The following KCNMB3 variants were observed in gnomAD, a reference collection of about 807,000 sequenced individuals.
KCNMB3 encodes the protein calcium-activated potassium channel subunit beta-3.
A neutral mutation model predicts 11.9 loss-of-function variants in KCNMB3; 18 were observed. The observed-to-expected ratio is 1.51, with a 90% confidence interval of 1.04 to 2.23. The LOEUF (loss-of-function observed/expected upper bound fraction) is 2.23, where lower values mean the gene tolerates loss of function less well. Among genes scored for constraint, KCNMB3 ranks in the 30% most tolerant of loss-of-function variants. The pLI is 0.00. For synonymous variants in KCNMB3, 78 were observed against 119.2 expected, an observed-to-expected ratio of 0.65 and a Z score of 2.25; for missense variants, 247 against 329.4, an observed-to-expected ratio of 0.75 and a Z score of 1.94.
chr3:179,243,380 T>C (rs1725528461), intron 2 of KCNMB3, 96 bp from the exon 3 acceptor site: 3 of 1,157,138 alleles, frequency 2.6e-6, no homozygotes, highest in Non-Finnish European at 3.8e-6. Context: ...GCTGAAGTTA[T>C]TAGTGGGCAG....
chr3:179,260,223 G>T (rs189235884), intron 1 of KCNMB3: 3 of 1,613,852 alleles, frequency 1.9e-6, no homozygotes, highest in Non-Finnish European at 2.5e-6. Flanking sequence ...ACAGTTGGAT[G>T]GCTCAAGGGG....
intron 1 of KCNMB3, among the ~76,000 whole-genome samples, chr3:179,261,562 C>G (rs1278064893): frequency 6.6e-6 from 1 of 152,052 alleles, no homozygotes; most frequent in Non-Finnish European, 1.5e-5. Context: ...TCCGCCCGCC[C>G]CATGGCCCGC....
At chr3:179,261,890 A>G (rs1726228321) in intron 1 of KCNMB3, among the ~76,000 whole-genome samples, 4 of 152,246 alleles carry the variant, frequency 2.6e-5, no homozygotes, top group African/African-American at 7.2e-5. Context: ...CATCTAAAAC[A>G]CAGATACAAA....
exon 1 of KCNMB3, chr3:179,266,801 G>C: frequency 6.5e-7 from 1 of 1,538,280 alleles, no homozygotes; most frequent in Non-Finnish European, 8.8e-7. Context: ...CCACGGAAGT[G>C]GAGTCCCAGC....
chr3:179,259,945 C>T (rs1334586603), intron 1 of KCNMB3: 6 of 1,612,908 alleles, frequency 3.7e-6, no homozygotes, highest in Middle Eastern at 1.7e-4. Flanking sequence ...CCCTCTTCTT[C>T]GTTGTGATCC....
Position 179,244,645 on chromosome 3 carries a change from C to T in KCNMB3, c.297G>A (p.Met99Ile). Residue 99 changes from methionine to isoleucine, a missense_variant, in exon 2 of 3, where the codon ATG becomes ATA. This residue lies in a region of KCNMB3 where 160 missense variants were observed against 157.5 expected (regional missense o/e 1.02). Coordinates refer to ENST00000392685, the MANE Select transcript of KCNMB3 (RefSeq NM_171830.2). ...TGAAGGCACAGTCCAGCCAGTCGTC[C>T]ATGATATCTGTGTGGATGGCAGTGC... ...STCTAIHTDI[M>I]DDWLDCAFTC... The T allele has an allele frequency of 6.2e-7, 1 of 1,613,892 alleles. No individual in the cohort carries two copies. The highest frequency in any genetic ancestry group is 1.1e-5 in the South Asian group (1 of 91,066).
exon 1 of KCNMB3, chr3:179,266,885 G>T: frequency 7.0e-7 from 1 of 1,427,272 alleles, no homozygotes; most frequent in Non-Finnish European, 9.1e-7. Flanking sequence ...AGAACTTCAG[G>T]CAGGCTAGCC....
chr3:179,258,447 T>C (rs1405365844), intron 1 of KCNMB3, among the ~76,000 whole-genome samples: 1 of 152,220 alleles, frequency 6.6e-6, no homozygotes. Flanking sequence ...TTGTTATCCT[T>C]AAAATGATTA....
At chr3:179,262,603 C>T (rs1235493219) in intron 1 of KCNMB3, among the ~76,000 whole-genome samples, 2 of 152,220 alleles carry the variant, frequency 1.3e-5, no homozygotes, top group Non-Finnish European at 2.9e-5. Flanking sequence ...CTTTTATTCT[C>T]TTATCTGGCC....
At chr3:179,262,415 T>G (rs1232721668) in intron 1 of KCNMB3, among the ~76,000 whole-genome samples, 3 of 152,138 alleles carry the variant, frequency 2.0e-5, no homozygotes, top group Non-Finnish European at 2.9e-5. Flanking sequence ...GGGTTCGTGG[T>G]CTCCCTGGCT....
upstream of KCNMB3, chr3:179,251,148 T>C (rs755988713): frequency 5.0e-6 from 8 of 1,613,798 alleles, no homozygotes; most frequent in Middle Eastern, 1.6e-4. Flanking sequence ...TTTAAAGATA[T>C]TGTAGCAAAC....
chr3:179,263,734 C>T (rs1726292874), intron 1 of KCNMB3, among the ~76,000 whole-genome samples: 1 of 151,774 alleles, frequency 6.6e-6, no homozygotes, highest in Non-Finnish European at 1.5e-5. Context: ...GGTTAATCCC[C>T]TCCTGCTCTA....
upstream of KCNMB3, chr3:179,267,037 C>G (rs549943350): frequency 2.1e-5 from 14 of 668,426 alleles, no homozygotes; most frequent in Admixed American, 6.9e-4. Flanking sequence ...GTTTCCGCCT[C>G]GGCAGCCGGG....
At chr3:179,254,158 C>A (rs901203712), upstream of KCNMB3, among the ~76,000 whole-genome samples, 3 of 152,156 alleles carry the variant, frequency 2.0e-5, no homozygotes, top group African/African-American at 7.2e-5. Context: ...GTTTAATATA[C>A]CATCCAACTA....
intron 1 of KCNMB3, among the ~76,000 whole-genome samples, chr3:179,257,155 C>G (rs952198776): frequency 6.6e-6 from 1 of 152,138 alleles, no homozygotes; most frequent in East Asian, 1.9e-4. Flanking sequence ...AGGTGAGACC[C>G]TATCTCTAAA....
At chr3:179,247,425 C>A (rs1725679470) in intron 1 of KCNMB3, among the ~76,000 whole-genome samples, 1 of 151,454 alleles carries the variant, frequency 6.6e-6, no homozygotes, top group Admixed American at 6.6e-5. Flanking sequence ...TGAGGTATAG[C>A]CAAGACAAGA....
chr3:179,251,080 T>C lies in KCNMB3; in HGVS notation c.-90A>G. The C allele has an allele frequency of 6.2e-7, 1 of 1,614,208 alleles. No individual in the cohort carries two copies. The highest frequency in any genetic ancestry group is 8.5e-7 in the Non-Finnish European group (1 of 1,180,032). On this transcript the variant is annotated 5_prime_UTR_variant, in exon 1 of 3. Transcript: ENST00000392685. Reference sequence around the variant, plus strand: ...TGAATGCAACAAAATGAAATCCCAGTTCAGAGCTTGGTGAAAAGTCCATCT... The same window carrying C: ...TGAATGCAACAAAATGAAATCCCAGCTCAGAGCTTGGTGAAAAGTCCATCT...
At chr3:179,264,646 C>G (rs1218674313) in intron 1 of KCNMB3, among the ~76,000 whole-genome samples, 3 of 152,190 alleles carry the variant, frequency 2.0e-5, no homozygotes, top group African/African-American at 4.8e-5. Context: ...TACAAACAGC[C>G]TGAACACACT....
At chr3:179,253,712 A>G (rs1454852820), upstream of KCNMB3, among the ~76,000 whole-genome samples, 1 of 152,160 alleles carries the variant, frequency 6.6e-6, no homozygotes, top group Non-Finnish European at 1.5e-5. Context: ...AGGCTGAGGC[A>G]GGAAAATCGC....
Sources: gnomAD v4.1 joint callset for allele counts (sites outside exome capture counted in the v4.1 genomes callset) on GRCh38, gnomAD v4.1.1 for gene constraint, gnomAD v4.1.1 regional missense constraint, MANE v1.5 for transcripts, NCBI Gene and HGNC (gene_info 2026-07-23, HGNC 2026-07-21) for gene names.